Variants in BRD9 observed in about 807,000 individuals in gnomAD.
The protein encoded by BRD9 is bromodomain containing 9.
BRD9 carries 47 observed loss-of-function variants against 68.7 expected under a neutral mutation model. The observed-to-expected ratio is 0.68, with a 90% CI of 0.54 to 0.87. BRD9 has a LOEUF of 0.87. Among genes scored for constraint, BRD9 ranks in the 40% least tolerant of loss-of-function variants. The pLI, the probability that BRD9 is intolerant of heterozygous loss-of-function variation, is 0.00. For synonymous variants in BRD9, 313 were observed against 293.9 expected (o/e 1.06, Z -0.67); for missense variants, 670 against 748.4 (o/e 0.90, Z 1.22).
chr5:889,527 T>C, intron 4 of BRD9, 60 bp downstream of exon 4: 1 of 1,574,696 alleles, frequency 6.4e-7, no homozygotes, highest in African/African-American at 1.4e-5. Flanking sequence ...GAATAAGGCC[T>C]CAGAAAAGAT....
Position 889,579 on chromosome 5 carries a change from C to T in BRD9, c.461+8G>A, listed in dbSNP as rs72703159. The stretch of plus-strand genomic sequence containing the variant: ...AGACACTAGCTCTTCAGAAACGCCC[C>T]GGTTTACCTCTGAAGCTGGCGGAGG... On this transcript the variant is annotated splice_region_variant and intron_variant, in intron 4 of 15. Transcript: ENST00000467963. The T allele has an allele frequency of 1.5e-4, 242 of 1,613,172 alleles. No homozygotes were observed. The highest frequency in any genetic ancestry group is 2.2e-4 in the Admixed American group (13 of 59,968).
At chr5:871,827 C>G (rs1029893965) in intron 12 of BRD9, among the ~76,000 whole-genome samples, 1 of 152,208 alleles carries the variant, frequency 6.6e-6, no homozygotes, top group Admixed American at 6.5e-5. Context: ...ATGGAGCGGA[C>G]AGAGAGAGGA....
chr5:876,043 C>T (rs891996190), intron 12 of BRD9, 58 bp downstream of exon 12: 15 of 1,246,970 alleles, frequency 1.2e-5, no homozygotes, highest in Non-Finnish European at 1.7e-5. Flanking sequence ...GCAGGCTCTT[C>T]CCGCCAGCAG....
At chr5:883,739 CA>C (rs1388476137) in intron 8 of BRD9, 198 bp downstream of exon 8, 2 of 697,228 alleles carry the variant, frequency 2.9e-6, no homozygotes, top group Non-Finnish European at 4.7e-6. Context: ...ACACCAGCGG[CA>C]GCCCTGCCAG....
At chr5:889,502 C>T in intron 4 of BRD9, 85 bp downstream of exon 4, 5 of 1,446,692 alleles carry the variant, frequency 3.5e-6, no homozygotes, top group South Asian at 2.4e-5. Flanking sequence ...TCACAGCTGA[C>T]GAGGCTGGCG....
intron 14 of BRD9, chr5:870,179 G>A (rs17568832): frequency 0.031 from 9,721 of 311,800 alleles, 206 homozygotes; most frequent in Non-Finnish European, 0.04. Flanking sequence ...TCATGGAGGC[G>A]GTAGGCAACA....
At chr5:866,372 A>G (rs986772885) in intron 14 of BRD9, 2 of 152,298 alleles carry the variant, frequency 1.3e-5, no homozygotes, top group Non-Finnish European at 2.9e-5. Flanking sequence ...AAACTAGGAG[A>G]GACTCAAAGC....
At chr5:875,248 A>G (rs1172198830) in intron 12 of BRD9, among the ~76,000 whole-genome samples, 1 of 152,172 alleles carries the variant, frequency 6.6e-6, no homozygotes, top group Non-Finnish European at 1.5e-5. Context: ...GATGTAAAAG[A>G]CATTCCTGGC....
intron 7 of BRD9, among the ~76,000 whole-genome samples, chr5:885,769 G>A (rs1752463255): frequency 6.6e-6 from 1 of 152,206 alleles, no homozygotes. Flanking sequence ...TGTGCCAGGC[G>A]CTTCTGCCCG....
At chr5:871,449 T>C in intron 13 of BRD9, 77 bp downstream of exon 13, 1 of 1,338,474 alleles carries the variant, frequency 7.5e-7, no homozygotes, top group Non-Finnish European at 1.1e-6. Context: ...CACACAGACC[T>C]CCCCACCTCA....
intron 8 of BRD9, 129 bp downstream of exon 8, chr5:883,809 G>A (rs1008882334): frequency 2.1e-5 from 28 of 1,341,654 alleles, no homozygotes; most frequent in Admixed American, 4.3e-5. Flanking sequence ...CGGACCTCCC[G>A]TCAGGGCCCC....
chr5:884,737 C>G (rs1752294141), intron 7 of BRD9, among the ~76,000 whole-genome samples: 1 of 152,266 alleles, frequency 6.6e-6, no homozygotes, highest in Non-Finnish European at 1.5e-5. Context: ...CAGGACAAGC[C>G]CTGCCCATGA....
At chr5:878,092 C>T (rs1278685137) in intron 11 of BRD9, among the ~76,000 whole-genome samples, 1 of 152,202 alleles carries the variant, frequency 6.6e-6, no homozygotes, top group Admixed American at 6.5e-5. Flanking sequence ...CAATTCAATA[C>T]GATCCAGTGT....
At chr5:871,825 G>C in intron 12 of BRD9, among the ~76,000 whole-genome samples, 1 of 152,326 alleles carries the variant, frequency 6.6e-6, no homozygotes, top group South Asian at 2.1e-4. Context: ...AGATGGAGCG[G>C]ACAGAGAGAG....
chr5:890,535 G>A (rs1286456995), intron 3 of BRD9, among the ~76,000 whole-genome samples: 2 of 152,206 alleles, frequency 1.3e-5, no homozygotes, highest in Non-Finnish European at 2.9e-5. Context: ...GGAAATTCCA[G>A]CCAAATGCCA....
chr5:867,961 G>A (rs1749598608), intron 14 of BRD9, among the ~76,000 whole-genome samples: 1 of 152,214 alleles, frequency 6.6e-6, no homozygotes, highest in African/African-American at 2.4e-5. Flanking sequence ...GAATGATACA[G>A]TTTGGCTCTG....
At chr5:892,564 G>T in intron 1 of BRD9, 42 bp downstream of exon 1, 1 of 1,530,750 alleles carries the variant, frequency 6.5e-7, no homozygotes, top group Non-Finnish European at 8.8e-7. Flanking sequence ...CCCCGTGCCC[G>T]GGACCCCGCC....
chr5:880,665 C>T (rs941876109), intron 9 of BRD9, among the ~76,000 whole-genome samples: 3 of 152,248 alleles, frequency 2.0e-5, no homozygotes, highest in African/African-American at 7.2e-5. Context: ...ACGGGCTGGA[C>T]AGGCCTAGTG....
chr5:874,671 G>A (rs1309777552), intron 12 of BRD9, among the ~76,000 whole-genome samples: 2 of 152,254 alleles, frequency 1.3e-5, no homozygotes, highest in African/African-American at 4.8e-5. Flanking sequence ...GCTCAAGGAT[G>A]TAAGGAAAAA....
Sources: gnomAD v4.1 joint callset for allele counts (sites outside exome capture counted in the v4.1 genomes callset) on GRCh38, gnomAD v4.1.1 for gene constraint, MANE v1.5 for transcripts, NCBI Gene and HGNC (gene_info 2026-07-23, HGNC 2026-07-21) for gene names.